Variants in LOC128125818 observed in about 807,000 individuals in gnomAD.
the LOC128125818 span, among the ~76,000 whole-genome samples, chr4:6,067,067 G>A: frequency 3.1e-3 from 472 of 152,168 alleles, 4 homozygotes; most frequent in African/African-American, 0.011. The surrounding 1 kb of genome is among the most constrained non-coding windows in gnomAD (Gnocchi z 4.6). Context: ...CTTCACCCCC[G>A]CCCCAGCCTC....
At chr4:6,065,155 A>T in the LOC128125818 span, 1 of 998,506 alleles carries the variant, frequency 1.0e-6, no homozygotes, top group Admixed American at 1.8e-5. The surrounding 1 kb of genome is among the most constrained non-coding windows in gnomAD (Gnocchi z 5.1). Flanking sequence ...TGGGCTTCGT[A>T]ACTGACTGGG....
At chr4:6,068,916 A>C in the LOC128125818 span, among the ~76,000 whole-genome samples, 1 of 152,144 alleles carries the variant, frequency 6.6e-6, no homozygotes, top group African/African-American at 2.4e-5. Context: ...AGTGTTTATA[A>C]CATTTTATAA....
At chr4:6,067,125 G>A in the LOC128125818 span, among the ~76,000 whole-genome samples, 5 of 152,128 alleles carry the variant, frequency 3.3e-5, no homozygotes, top group South Asian at 2.1e-4. The surrounding 1 kb of genome is among the most constrained non-coding windows in gnomAD (Gnocchi z 4.6). Flanking sequence ...CCCCGCTGAC[G>A]TAAGATCTGG....
At chr4:6,066,196 C>T in the LOC128125818 span, among the ~76,000 whole-genome samples, 1 of 152,022 alleles carries the variant, frequency 6.6e-6, no homozygotes, top group Non-Finnish European at 1.5e-5. Flanking sequence ...ATACTAAGGG[C>T]CCCTCCCAGC....
At chr4:6,070,017 A>G in the LOC128125818 span, 2 of 398,632 alleles carry the variant, frequency 5.0e-6, no homozygotes, top group Admixed American at 8.8e-5. Context: ...AGGGACCGCC[A>G]GAGAACCTCA....
At chr4:6,067,299 C>A in the LOC128125818 span, among the ~76,000 whole-genome samples, 11 of 152,306 alleles carry the variant, frequency 7.2e-5, no homozygotes, top group Admixed American at 2.0e-4. The surrounding 1 kb of genome is among the most constrained non-coding windows in gnomAD (Gnocchi z 4.6). Context: ...GCACATGACA[C>A]CATTTCCATT....
At chr4:6,068,641 T>C in the LOC128125818 span, among the ~76,000 whole-genome samples, 5 of 151,562 alleles carry the variant, frequency 3.3e-5, no homozygotes, top group Admixed American at 6.6e-5. Flanking sequence ...TACTACAACT[T>C]CCGTCTCCCA....
At chr4:6,068,875 A>G in the LOC128125818 span, among the ~76,000 whole-genome samples, 2 of 152,064 alleles carry the variant, frequency 1.3e-5, no homozygotes, top group East Asian at 1.9e-4. Context: ...CAGCCTTAAC[A>G]TTTTTTTATA....
chr4:6,066,371 C>A, the LOC128125818 span, among the ~76,000 whole-genome samples: 1 of 152,140 alleles, frequency 6.6e-6, no homozygotes, highest in Admixed American at 6.5e-5. Context: ...AGGCACCCAC[C>A]ACCACACGTC....
the LOC128125818 span, among the ~76,000 whole-genome samples, chr4:6,066,825 G>A: frequency 1.3e-5 from 2 of 152,172 alleles, no homozygotes; most frequent in Non-Finnish European, 2.9e-5. Context: ...GGCTACAAGT[G>A]GTCTGCGAGG....
chr4:6,069,640 C>A, the LOC128125818 span, among the ~76,000 whole-genome samples: 18 of 151,928 alleles, frequency 1.2e-4, no homozygotes, highest in South Asian at 3.5e-3. This position sits in a 1 kb window ranked among gnomAD's most constrained non-coding sequence, Gnocchi z 4.5. Flanking sequence ...GTAGTCCCAG[C>A]TACTTGGGAG....
the LOC128125818 span, among the ~76,000 whole-genome samples, chr4:6,067,953 GT>G: frequency 6.6e-6 from 1 of 152,212 alleles, no homozygotes; most frequent in Admixed American, 6.5e-5. The surrounding 1 kb of genome is among the most constrained non-coding windows in gnomAD (Gnocchi z 4.6). Flanking sequence ...GGACGAGTCT[GT>G]TTGTTGCTGT....
chr4:6,068,498 G>A, the LOC128125818 span, among the ~76,000 whole-genome samples: 2 of 152,002 alleles, frequency 1.3e-5, no homozygotes, highest in Middle Eastern at 3.4e-3. Flanking sequence ...TAGCAGCAAC[G>A]AGTTGTCTGG....
chr4:6,065,097 G>A, the LOC128125818 span: 1 of 1,513,248 alleles, frequency 6.6e-7, no homozygotes, highest in Non-Finnish European at 9.1e-7. The surrounding 1 kb of genome is among the most constrained non-coding windows in gnomAD (Gnocchi z 5.1). Flanking sequence ...AGTGCAGGGG[G>A]GTGATGATTG....
chr4:6,069,850 A>G, the LOC128125818 span, among the ~76,000 whole-genome samples: 5 of 152,130 alleles, frequency 3.3e-5, no homozygotes, highest in Non-Finnish European at 5.9e-5. This position sits in a 1 kb window ranked among gnomAD's most constrained non-coding sequence, Gnocchi z 4.5. Context: ...GCTCTTCCTC[A>G]GCGGGTCAGA....
chr4:6,065,363 G>A, the LOC128125818 span, among the ~76,000 whole-genome samples: 19 of 152,244 alleles, frequency 1.2e-4, no homozygotes, highest in Non-Finnish European at 2.6e-4. This position sits in a 1 kb window ranked among gnomAD's most constrained non-coding sequence, Gnocchi z 5.1. Flanking sequence ...GGCCATGCAT[G>A]CCCTGTGCCC....
chr4:6,068,097 A>G, the LOC128125818 span, among the ~76,000 whole-genome samples: 1 of 152,224 alleles, frequency 6.6e-6, no homozygotes, highest in South Asian at 2.1e-4. Flanking sequence ...AGGACGATCC[A>G]CTGTGAAGGC....
the LOC128125818 span, among the ~76,000 whole-genome samples, chr4:6,066,556 C>T: frequency 2.6e-5 from 4 of 152,102 alleles, no homozygotes; most frequent in Non-Finnish European, 5.9e-5. Context: ...GTGACTTACC[C>T]CCAACACCGC....
At chr4:6,067,677 G>C in the LOC128125818 span, among the ~76,000 whole-genome samples, 456 of 127,140 alleles carry the variant, frequency 3.6e-3, 1 homozygote, top group South Asian at 5.1e-3. This position sits in a 1 kb window ranked among gnomAD's most constrained non-coding sequence, Gnocchi z 4.6. Context: ...CTGAGCTCCA[G>C]GTTCACTCAA....
Sources: allele counts gnomAD v4.1 joint callset (sites outside exome capture counted in the v4.1 genomes callset), GRCh38; gene constraint gnomAD v4.1.1; non-coding constraint Gnocchi (gnomAD v3.1); transcripts MANE v1.5.